Variants in LRIF1 observed in about 807,000 individuals in gnomAD.
The protein encoded by LRIF1 is ligand-dependent nuclear receptor-interacting factor 1.
In LRIF1, 32 loss-of-function variants were observed where a neutral mutation model predicts 52.7. The ratio of observed to expected loss-of-function variants is 0.61; its 90% CI spans 0.46 to 0.82. The LOEUF (loss-of-function observed/expected upper bound fraction) is 0.82. Among genes scored for constraint, LRIF1 ranks in the 40% least tolerant of loss-of-function variants. The pLI, the probability that LRIF1 is intolerant of heterozygous loss-of-function variation, is 0.00. For synonymous variants in LRIF1, 323 were observed against 317.4 expected, an observed-to-expected ratio of 1.02 and a Z score of -0.19; for missense variants, 887 against 892.0, an observed-to-expected ratio of 0.99 and a Z score of 0.07.
At chr1:110,877,357 C>A in the LRIF1 span, among the ~76,000 whole-genome samples, 2 of 152,160 alleles carry the variant, frequency 1.3e-5, no homozygotes, top group Non-Finnish European at 2.9e-5. Flanking sequence ...AGCCAGCCTG[C>A]AGACACCATG....
chr1:110,956,722 C>T (rs1198695175), intron 1 of LRIF1, among the ~76,000 whole-genome samples: 2 of 152,112 alleles, frequency 1.3e-5, no homozygotes, highest in Middle Eastern at 6.3e-3. Context: ...AAGAGATTAT[C>T]CATACGGATA....
the LRIF1 span, among the ~76,000 whole-genome samples, chr1:110,887,825 A>G: frequency 1.3e-5 from 2 of 152,218 alleles, no homozygotes; most frequent in African/African-American, 4.8e-5. Context: ...ATCAGGACTC[A>G]GCTAAATTCT....
At chr1:110,878,842 C>A in the LRIF1 span, among the ~76,000 whole-genome samples, 2 of 152,136 alleles carry the variant, frequency 1.3e-5, no homozygotes, top group African/African-American at 4.8e-5. Flanking sequence ...ATAACGTATT[C>A]TCAATCTTAG....
At chr1:110,954,900 T>C (rs1658634265) in intron 1 of LRIF1, among the ~76,000 whole-genome samples, 1 of 152,236 alleles carries the variant, frequency 6.6e-6, no homozygotes, top group African/African-American at 2.4e-5. Flanking sequence ...GTTGGGAGTT[T>C]ACCAAAGCTT....
chr1:110,930,988 A>AT, the LRIF1 span, among the ~76,000 whole-genome samples: 36 of 131,250 alleles, frequency 2.7e-4, no homozygotes, highest in Admixed American at 3.8e-4. Context: ...GCAGCATGAC[A>AT]TTTTTTTTTT....
the LRIF1 span, among the ~76,000 whole-genome samples, chr1:110,917,645 T>G: frequency 2.8e-5 from 2 of 70,516 alleles, no homozygotes; most frequent in Admixed American, 2.7e-4. Context: ...TTTTTTTGTT[T>G]TTGTTTTTTT....
chr1:110,919,648 G>A, the LRIF1 span, among the ~76,000 whole-genome samples: 1 of 152,098 alleles, frequency 6.6e-6, no homozygotes, highest in African/African-American at 2.4e-5. Context: ...TTTTCTGGAG[G>A]CTAAAATCAG....
the LRIF1 span, among the ~76,000 whole-genome samples, chr1:110,920,594 A>C: frequency 1.3e-5 from 2 of 152,180 alleles, no homozygotes; most frequent in African/African-American, 4.8e-5. Flanking sequence ...ATTTCTTATA[A>C]TACTACAATG....
the LRIF1 span, among the ~76,000 whole-genome samples, chr1:110,884,441 C>G: frequency 6.6e-6 from 1 of 152,066 alleles, no homozygotes; most frequent in South Asian, 2.1e-4. Flanking sequence ...GTATGTTCTG[C>G]TGTTGTGGGG....
chr1:110,943,637 T>C (rs1211126211), downstream of LRIF1: 1 of 151,596 alleles, frequency 6.6e-6, no homozygotes, highest in Admixed American at 6.6e-5. Context: ...CAATTTTTTC[T>C]TTTCTGTTTA....
chr1:110,958,258 T>C (rs1236217764), intron 1 of LRIF1, among the ~76,000 whole-genome samples: 1 of 152,244 alleles, frequency 6.6e-6, no homozygotes, highest in Non-Finnish European at 1.5e-5. Flanking sequence ...TATTACATTA[T>C]TTACTCAAAG....
At chr1:110,939,420 CTATA>C in the LRIF1 span, 3 of 147,628 alleles carry the variant, frequency 2.0e-5, no homozygotes, top group South Asian at 6.5e-4. Flanking sequence ...CTAAAGCAAT[CTATA>C]GATTCAATGC....
chr1:110,891,372 T>C, the LRIF1 span: 1 of 1,553,484 alleles, frequency 6.4e-7, no homozygotes, highest in Non-Finnish European at 8.9e-7. Context: ...TAACTTACTT[T>C]CTTCTTCCTT....
chr1:110,951,032 T>C (rs1658449249), intron 2 of LRIF1, among the ~76,000 whole-genome samples: 1 of 152,158 alleles, frequency 6.6e-6, no homozygotes, highest in Admixed American at 6.5e-5. Flanking sequence ...CTCTGTGAAT[T>C]TTTTGTTTTA....
Position 110,952,394 on chromosome 1 carries a change from C to T in LRIF1, c.490G>A (p.Val164Ile), listed in dbSNP as rs1658520077. 6.2e-7 allele frequency: 1 copy of T among 1,613,590 alleles called. No homozygotes were observed. The highest frequency in any genetic ancestry group is 2.2e-5 in the East Asian group (1 of 44,858). Residue 164 changes from valine (V) to isoleucine (I), a missense_variant, in exon 2 of 4, where the codon GTA becomes ATA. Coordinates refer to ENST00000369763, the MANE Select transcript of LRIF1 (RefSeq NM_018372.4). ...PSTQKDSSFIVVNTQSLPVTV... is the reference protein window; with the variant it reads ...PSTQKDSSFIIVNTQSLPVTV... ...ACTGGAAGACTCTGGGTATTAACTA[C>T]AATAAAAGATGAGTCTTTTTGTGTT...
At chr1:110,902,517 A>AAAAAAAAAAAAAAAAAAAAAAAAG in the LRIF1 span, among the ~76,000 whole-genome samples, 15 of 104,772 alleles carry the variant, frequency 1.4e-4, no homozygotes, top group East Asian at 2.9e-4. Flanking sequence ...AAAAAAAAAA[A>AAAAAAAAAAAAAAAAAAAAAAAAG]AAAGAAATAC....
intron 1 of LRIF1, among the ~76,000 whole-genome samples, chr1:110,962,061 T>TACGTACACACAC (rs1553212099): frequency 7.0e-6 from 1 of 143,790 alleles, no homozygotes. Flanking sequence ...GAGTTAAGGG[T>TACGTACACACAC]ACACACACAC....
the LRIF1 span, among the ~76,000 whole-genome samples, chr1:110,893,077 T>C: frequency 1.3e-5 from 2 of 152,208 alleles, no homozygotes; most frequent in Non-Finnish European, 2.9e-5. Flanking sequence ...GCCTTTTGCA[T>C]GTTCCCTATC....
chr1:110,927,717 A>G, the LRIF1 span, among the ~76,000 whole-genome samples: 1 of 152,138 alleles, frequency 6.6e-6, no homozygotes. Flanking sequence ...GGTTTTCCAC[A>G]GTAGTGTCTC....
Sources: allele counts gnomAD v4.1 joint callset (sites outside exome capture counted in the v4.1 genomes callset), GRCh38; gene constraint gnomAD v4.1.1; transcripts MANE v1.5; gene names NCBI Gene and HGNC (gene_info 2026-07-23, HGNC 2026-07-21).